Variants in SND1 observed in about 807,000 individuals in gnomAD.
SND1 encodes staphylococcal nuclease and tudor domain containing 1, also known as staphylococcal nuclease domain-containing protein 1.
Under a neutral mutation model 121.7 loss-of-function variants are expected in SND1, and 38 were observed. The observed-to-expected ratio is 0.31, with a 90% CI of 0.24 to 0.41. SND1 has a LOEUF of 0.41. Among genes scored for constraint, SND1 ranks in the 10% least tolerant of loss-of-function variants. The pLI is 1.00. For synonymous variants in SND1, 401 were observed against 447.4 expected (o/e 0.90, Z 1.31); for missense variants, 868 against 1,184.6 (o/e 0.73, Z 3.92).
chr7:127,856,515 G>A (rs1018077502), intron 12 of SND1, among the ~76,000 whole-genome samples: 3 of 152,204 alleles, frequency 2.0e-5, no homozygotes, highest in Non-Finnish European at 4.4e-5. Flanking sequence ...GAAGGATTTA[G>A]CAAATATTGC....
intron 10 of SND1, among the ~76,000 whole-genome samples, chr7:127,768,960 C>G (rs1469052365): frequency 2.0e-5 from 3 of 152,166 alleles, no homozygotes; most frequent in Non-Finnish European, 4.4e-5. Context: ...TTTCCCACCT[C>G]CCTGACTCCT....
Position 128,061,353 on chromosome 7 carries a change from T to C in SND1, c.1780-13149T>C, listed in dbSNP as rs114076197. 9.4e-3 allele frequency among the ~76,000 whole-genome samples: 1,432 copies of C among 152,304 alleles called. 25 individuals are homozygous for C. The highest frequency in any genetic ancestry group is 0.03 in the African/African-American group (1,238 of 41,550). On this transcript the variant is annotated intron_variant, in intron 16 of 23. Coordinates refer to ENST00000354725, the MANE Select transcript of SND1 (RefSeq NM_014390.4). ...TCATTGCAGTGGCTTTGAGAACTTTTAGGAGCTGATCACAAGGCCCAAAAA... is the reference window on the plus strand; with the variant it reads ...TCATTGCAGTGGCTTTGAGAACTTTCAGGAGCTGATCACAAGGCCCAAAAA...
intron 15 of SND1, among the ~76,000 whole-genome samples, chr7:127,945,456 A>T (rs909873096): frequency 6.6e-6 from 1 of 151,896 alleles, no homozygotes. Context: ...GCACCACTGC[A>T]CTCCAGCCTG....
chr7:127,839,208 C>T (rs112352459), intron 11 of SND1, among the ~76,000 whole-genome samples: 2,669 of 152,054 alleles, frequency 0.018, 36 homozygotes, highest in South Asian at 0.047. Context: ...ATTAGGGGTG[C>T]GTAGAGGCTT....
rs1485022863 is a variant in SND1 at position 128,018,322 on chromosome 7, C to T, written c.1779+27266C>T. 2.0e-5 allele frequency among the ~76,000 whole-genome samples: 3 copies of T among 152,204 alleles called. No individual in the cohort carries two copies. In the East Asian group the frequency reaches 5.8e-4, roughly 29 times the overall value. The stretch of plus-strand genomic sequence containing the variant: ...TGGCAAAAGGGCCAGCTCTCTGGGT[C>T]CAACCTTGGGCATTGCCAACCCCAT... On this transcript the variant is annotated intron_variant, in intron 16 of 23. Transcript: ENST00000354725.
At chr7:127,759,626 G>T (rs901438787) in intron 10 of SND1, among the ~76,000 whole-genome samples, 2 of 152,152 alleles carry the variant, frequency 1.3e-5, no homozygotes, top group Non-Finnish European at 2.9e-5. Context: ...CTGGAGTGTT[G>T]CTTGCCCCCA....
intron 16 of SND1, among the ~76,000 whole-genome samples, chr7:128,068,759 G>A (rs1038346775): frequency 6.6e-6 from 1 of 152,200 alleles, no homozygotes; most frequent in Non-Finnish European, 1.5e-5. Context: ...ACCACAGCTC[G>A]GCTGGGTGAT....
chr7:127,857,325 TG>T (rs2116674192), intron 12 of SND1, among the ~76,000 whole-genome samples: 1 of 147,850 alleles, frequency 6.8e-6, no homozygotes, highest in African/African-American at 2.5e-5. Flanking sequence ...CCCGAGCAGC[TG>T]GGACTACAGG....
chr7:127,837,986 A>G (rs1474200681), intron 11 of SND1, among the ~76,000 whole-genome samples: 1 of 152,214 alleles, frequency 6.6e-6, no homozygotes, highest in African/African-American at 2.4e-5. Flanking sequence ...GGTAGCCCCT[A>G]CTGCTATGTT....
chr7:128,025,297 C>G (rs1324625773), intron 16 of SND1, among the ~76,000 whole-genome samples: 1 of 152,210 alleles, frequency 6.6e-6, no homozygotes, highest in Admixed American at 6.5e-5. Flanking sequence ...GGTGAGAAAG[C>G]ACATTGACTC....
At chr7:127,893,704 T>C (rs1470825101) in intron 13 of SND1, among the ~76,000 whole-genome samples, 1 of 152,086 alleles carries the variant, frequency 6.6e-6, no homozygotes, top group Non-Finnish European at 1.5e-5. Flanking sequence ...CTCTCTTATC[T>C]TTTCATGTGT....
chr7:128,002,575 G>T (rs1034397205), intron 16 of SND1, among the ~76,000 whole-genome samples: 1 of 152,212 alleles, frequency 6.6e-6, no homozygotes, highest in African/African-American at 2.4e-5. Flanking sequence ...CCTCATGGAT[G>T]TCTAAGGAAT....
intron 21 of SND1, among the ~76,000 whole-genome samples, chr7:128,089,276 A>G (rs947396871): frequency 6.6e-6 from 1 of 150,870 alleles, no homozygotes; most frequent in Non-Finnish European, 1.5e-5. Context: ...CTGGTCGCCA[A>G]CTCCTGGCCT....
At chr7:127,992,681 A>T (rs1388069771) in intron 16 of SND1, among the ~76,000 whole-genome samples, 1 of 152,090 alleles carries the variant, frequency 6.6e-6, no homozygotes, top group East Asian at 1.9e-4. Flanking sequence ...CATCTCCTAA[A>T]GTTTCTTTCC....
At chr7:127,925,036 C>G (rs955662970) in intron 14 of SND1, among the ~76,000 whole-genome samples, 1 of 152,170 alleles carries the variant, frequency 6.6e-6, no homozygotes, top group Non-Finnish European at 1.5e-5. Context: ...ATACTAACAT[C>G]CTTTGAAATG....
In SND1 at chr7:127,704,879, C is replaced by T; in HGVS notation, c.881C>T (p.Ala294Val). ...GAGCTCCTCCTGAAGGAAGGTTTCG[C>T]ACGCTGTGTGGACTGGTCGATTGCA... Reference protein sequence around the residue: ...ITELLLKEGFARCVDWSIAVY... With the variant: ...ITELLLKEGFVRCVDWSIAVY... The change falls in exon 8 of 24, where the codon GCA becomes GTA. Residue 294 changes from alanine (A) to valine (V), a missense_variant. Physicochemically the swap from Ala to Val is moderately conservative, Grantham distance 64 (BLOSUM62 0). Around this residue, in one of 2 missense-constraint regions of SND1, gnomAD observed 743 missense variants for 1,071.3 expected, o/e 0.69. Transcript: ENST00000354725. 6.2e-7 allele frequency: 1 copy of T among 1,614,064 alleles called. No homozygotes were observed. Among genetic ancestry groups the T allele is most frequent in the Non-Finnish European group, 8.5e-7 (1 of 1,179,976 alleles).
intron 1 of SND1, among the ~76,000 whole-genome samples, chr7:127,681,554 C>T (rs555201028): frequency 8.6e-4 from 131 of 152,282 alleles, no homozygotes; most frequent in African/African-American, 2.9e-3. Context: ...AAGAAACCAT[C>T]ACCTAATGCA....
At chr7:128,046,288 G>A (rs1215877645) in intron 16 of SND1, among the ~76,000 whole-genome samples, 5 of 151,552 alleles carry the variant, frequency 3.3e-5, no homozygotes, top group Non-Finnish European at 7.4e-5. Flanking sequence ...TTGTAGAGAT[G>A]GGATCCTGCT....
At chr7:127,818,015 A>G (rs1798479751) in intron 11 of SND1, among the ~76,000 whole-genome samples, 1 of 151,910 alleles carries the variant, frequency 6.6e-6, no homozygotes, top group Non-Finnish European at 1.5e-5. Flanking sequence ...TGTCATATGG[A>G]AGATTTGGAT....
Sources: allele counts gnomAD v4.1 joint callset (sites outside exome capture counted in the v4.1 genomes callset), GRCh38; gene constraint gnomAD v4.1.1; regional missense constraint gnomAD v4.1.1; transcripts MANE v1.5; gene names NCBI Gene and HGNC (gene_info 2026-07-23, HGNC 2026-07-21).